STXBP4: variants seen among roughly 807,000 people sequenced by gnomAD.
STXBP4 encodes syntaxin binding protein 4.
STXBP4 carries 55 observed loss-of-function variants against 76.1 expected under a neutral mutation model. That is an observed-to-expected ratio of 0.72 (90% CI 0.58 to 0.91). The LOEUF (loss-of-function observed/expected upper bound fraction) is 0.91. STXBP4 is among the 40% of genes least tolerant of loss of function. STXBP4 has a pLI of 0.00. For missense variants in STXBP4, 618 were observed against 636.9 expected, an observed-to-expected ratio of 0.97 and a Z score of 0.32; for synonymous variants, 201 against 220.2, an observed-to-expected ratio of 0.91 and a Z score of 0.77.
chr17:55,122,698 A>C (rs1289627491), intron 16 of STXBP4, among the ~76,000 whole-genome samples: 1 of 152,226 alleles, frequency 6.6e-6, no homozygotes, highest in Non-Finnish European at 1.5e-5. Context: ...TATAACAAGA[A>C]GCACTCAAAA....
downstream of STXBP4, among the ~76,000 whole-genome samples, chr17:55,176,244 G>A (rs1400515781): frequency 2.0e-5 from 3 of 152,180 alleles, no homozygotes; most frequent in Non-Finnish European, 2.9e-5. Context: ...TGTGACAGAC[G>A]CACATAGTGG....
chr17:55,153,458 A>G (rs769628427), intron 17 of STXBP4, among the ~76,000 whole-genome samples: 33 of 152,214 alleles, frequency 2.2e-4, no homozygotes, highest in Non-Finnish European at 4.0e-4. Flanking sequence ...GATTTTTACA[A>G]ATCATTCTGT....
At chr17:54,987,570 A>G (rs898448471) in intron 3 of STXBP4, among the ~76,000 whole-genome samples, 10 of 152,108 alleles carry the variant, frequency 6.6e-5, no homozygotes, top group Non-Finnish European at 7.4e-5. Flanking sequence ...ATAATATTCT[A>G]TTGTGTGGAT....
chr17:55,209,473 G>A, the STXBP4 span, among the ~76,000 whole-genome samples: 8,038 of 152,228 alleles, frequency 0.053, 473 homozygotes, highest in East Asian at 0.27. Context: ...TGGGGAGTCA[G>A]AGTCAAGCCC....
intron 8 of STXBP4, among the ~76,000 whole-genome samples, chr17:55,027,707 G>A (rs1203329492): frequency 6.6e-6 from 1 of 152,104 alleles, no homozygotes; most frequent in African/African-American, 2.4e-5. Flanking sequence ...AAAGTAACAT[G>A]TTAGGAATAC....
intron 12 of STXBP4, among the ~76,000 whole-genome samples, chr17:55,062,623 A>T (rs2079007928): frequency 6.6e-6 from 1 of 152,140 alleles, no homozygotes; most frequent in African/African-American, 2.4e-5. Context: ...CAGTAATGAG[A>T]TTGCTGGGTC....
At chr17:55,137,668 C>G (rs2080047604) in intron 16 of STXBP4, among the ~76,000 whole-genome samples, 1 of 152,064 alleles carries the variant, frequency 6.6e-6, no homozygotes, top group African/African-American at 2.4e-5. Flanking sequence ...GGGATAATAG[C>G]AGTACTTCTC....
chr17:55,007,450 TA>T (rs1255107182), intron 7 of STXBP4, 55 bp from the exon 8 acceptor site: 1 of 1,260,416 alleles, frequency 7.9e-7, no homozygotes, highest in Non-Finnish European at 1.2e-6. Flanking sequence ...TCCTGTCAAA[TA>T]AAAATTTCGA....
At chr17:54,987,444 T>G (rs2077642347) in intron 3 of STXBP4, among the ~76,000 whole-genome samples, 1 of 152,226 alleles carries the variant, frequency 6.6e-6, no homozygotes, top group Admixed American at 6.5e-5. Flanking sequence ...TGTTTTGACC[T>G]TGGCTTTTTG....
chr17:55,109,675 G>A (rs2079688208), intron 16 of STXBP4, among the ~76,000 whole-genome samples: 1 of 145,660 alleles, frequency 6.9e-6, no homozygotes, highest in African/African-American at 2.6e-5. Context: ...TGTTGCCCAG[G>A]CTGGAGTGCA....
At chr17:55,133,104 G>A (rs140310713) in intron 16 of STXBP4, among the ~76,000 whole-genome samples, 1 of 152,178 alleles carries the variant, frequency 6.6e-6, no homozygotes, top group African/African-American at 2.4e-5. Context: ...AGTAGACTGT[G>A]GCAGGGATAC....
chr17:54,986,726 T>G (rs1369831697), intron 3 of STXBP4, among the ~76,000 whole-genome samples: 1 of 152,222 alleles, frequency 6.6e-6, no homozygotes. Context: ...TCTAGAATAT[T>G]TTATAATTCC....
At chr17:55,113,468 C>A (rs1335527453) in intron 16 of STXBP4, among the ~76,000 whole-genome samples, 2 of 152,050 alleles carry the variant, frequency 1.3e-5, no homozygotes, top group African/African-American at 4.8e-5. Flanking sequence ...GGACAAATTC[C>A]TGCTTATGCC....
chr17:54,988,545 GGGT>G (rs1473545158), intron 3 of STXBP4, among the ~76,000 whole-genome samples: 2 of 152,010 alleles, frequency 1.3e-5, no homozygotes, highest in Non-Finnish European at 2.9e-5. Context: ...AGGCCGAGGC[GGGT>G]GGATCACTTG....
At chr17:55,191,448 G>T in the STXBP4 span, among the ~76,000 whole-genome samples, 1 of 152,078 alleles carries the variant, frequency 6.6e-6, no homozygotes, top group African/African-American at 2.4e-5. Flanking sequence ...TCTTCAAATG[G>T]TTATGACAAT....
chr17:55,088,963 T>C (rs1375398646), intron 16 of STXBP4, among the ~76,000 whole-genome samples: 2 of 152,212 alleles, frequency 1.3e-5, no homozygotes, highest in Non-Finnish European at 2.9e-5. Context: ...GCAGTTTGAA[T>C]ACATGTAAAC....
chr17:55,144,506 G>C (rs768817230), intron 17 of STXBP4, among the ~76,000 whole-genome samples: 1 of 152,194 alleles, frequency 6.6e-6, no homozygotes, highest in African/African-American at 2.4e-5. Context: ...CGCTGTATAA[G>C]ACACAGTAGA....
chr17:55,178,118 T>G (rs550052903), downstream of STXBP4, among the ~76,000 whole-genome samples: 37 of 152,334 alleles, frequency 2.4e-4, no homozygotes, highest in African/African-American at 8.9e-4. Flanking sequence ...GTTGGTGATA[T>G]ATCATGTTAG....
At chr17:55,209,267 A>G in the STXBP4 span, among the ~76,000 whole-genome samples, 1 of 152,192 alleles carries the variant, frequency 6.6e-6, no homozygotes, top group African/African-American at 2.4e-5. Context: ...AAAATGCCCT[A>G]TGAACAAAGT....
Sources: gnomAD v4.1 joint callset for allele counts (sites outside exome capture counted in the v4.1 genomes callset) on GRCh38, gnomAD v4.1.1 for gene constraint, MANE v1.5 for transcripts, NCBI Gene and HGNC (gene_info 2026-07-23, HGNC 2026-07-21) for gene names.